The following SMAP1 variants were observed in gnomAD, a reference collection of about 807,000 sequenced individuals.
The protein encoded by SMAP1 is stromal membrane-associated protein 1.
A neutral mutation model predicts 58.5 loss-of-function variants in SMAP1; 24 were observed. That is an observed-to-expected ratio of 0.41 (90% CI 0.30 to 0.58). SMAP1 has a LOEUF of 0.58. Ranked by LOEUF, SMAP1 falls within the 20% of genes least tolerant of loss-of-function variation. The pLI is 0.29. For missense variants in SMAP1, 563 were observed against 566.3 expected (o/e 0.99, Z 0.06); for synonymous variants, 216 against 196.6 (o/e 1.10, Z -0.82).
intron 1 of SMAP1, among the ~76,000 whole-genome samples, chr6:70,677,773 G>C (rs1191374346): frequency 2.6e-5 from 4 of 152,050 alleles, no homozygotes; most frequent in African/African-American, 9.7e-5. Flanking sequence ...AGGTCTTGCT[G>C]AGCAAATTTA....
At chr6:70,850,453 CCTTTT>C (rs1278962295) in intron 7 of SMAP1, among the ~76,000 whole-genome samples, 2 of 151,224 alleles carry the variant, frequency 1.3e-5, no homozygotes, top group Non-Finnish European at 3.0e-5. Flanking sequence ...CGTTTTTTTT[CCTTTT>C]ATTTTGGTTG....
intron 4 of SMAP1, among the ~76,000 whole-genome samples, chr6:70,788,003 A>T (rs892504755): frequency 1.3e-5 from 2 of 152,190 alleles, no homozygotes; most frequent in Admixed American, 6.5e-5. Context: ...GTGCCCACGT[A>T]TGTTTATTGT....
intron 7 of SMAP1, among the ~76,000 whole-genome samples, chr6:70,847,730 A>G (rs1394507511): frequency 1.3e-5 from 2 of 152,078 alleles, no homozygotes; most frequent in Non-Finnish European, 2.9e-5. Context: ...CTGTTTCTGC[A>G]TACTAATTAA....
chr6:70,676,657 A>G (rs1766493771), intron 1 of SMAP1, among the ~76,000 whole-genome samples: 2 of 152,348 alleles, frequency 1.3e-5, no homozygotes, highest in Admixed American at 1.3e-4. Flanking sequence ...AATGTGTTCA[A>G]ATGTGGACAA....
At chr6:70,668,771 A>G in intron 1 of SMAP1, 1 of 1,523,364 alleles carries the variant, frequency 6.6e-7, no homozygotes, top group South Asian at 1.2e-5. Context: ...TATTAGTAGT[A>G]GTATTGTTTT....
chr6:70,753,357 C>CT (rs961025271), intron 2 of SMAP1, among the ~76,000 whole-genome samples: 1 of 152,106 alleles, frequency 6.6e-6, no homozygotes, highest in African/African-American at 2.4e-5. Context: ...TACTTTTGCA[C>CT]TTTCAGTGAA....
Position 70,860,472 on chromosome 6 carries a change from T to C in SMAP1, c.*138T>C. On this transcript the variant is annotated 3_prime_UTR_variant, in exon 11 of 11. Coordinates refer to ENST00000370455, the MANE Select transcript of SMAP1 (RefSeq NM_001044305.3). ...ATATTAAGAATGATCTGATTGACCG[T>C]GTTGGTCTGTACTGATTCAATTTGA... The C allele has an allele frequency of 9.5e-7, 1 of 1,052,738 alleles. No homozygotes were observed. The allele number at this position is 1,052,738 out of a possible 1,614,324, so 65.2% of individuals were successfully genotyped here. A position where few individuals can be genotyped will look rare whatever the true frequency, so the allele number is the denominator to read the frequency against.
At chr6:70,672,376 C>G (rs535885925) in intron 1 of SMAP1, among the ~76,000 whole-genome samples, 1 of 152,258 alleles carries the variant, frequency 6.6e-6, no homozygotes, top group African/African-American at 2.4e-5. Context: ...CAAGTTTTTG[C>G]CTGCTCAGCT....
intron 3 of SMAP1, among the ~76,000 whole-genome samples, chr6:70,764,002 T>C (rs992167028): frequency 6.6e-6 from 1 of 152,008 alleles, no homozygotes; most frequent in Non-Finnish European, 1.5e-5. Context: ...AGCCTCTGTG[T>C]CCTGGGCTCA....
intron 3 of SMAP1, among the ~76,000 whole-genome samples, chr6:70,759,184 G>T (rs1388449644): frequency 6.6e-6 from 1 of 152,036 alleles, no homozygotes; most frequent in East Asian, 1.9e-4. Flanking sequence ...ATAAAGCATG[G>T]TAGAAGGAAA....
chr6:70,756,473 G>T (rs1207061676), intron 3 of SMAP1, among the ~76,000 whole-genome samples: 2 of 152,080 alleles, frequency 1.3e-5, no homozygotes, highest in East Asian at 3.9e-4. Context: ...ATTTGTTATA[G>T]AAAGTTTGCA....
chr6:70,859,984 G>T (rs1399964952), intron 10 of SMAP1: 3 of 434,394 alleles, frequency 6.9e-6, no homozygotes, highest in Non-Finnish European at 1.2e-5. Flanking sequence ...TAAGTAAGTT[G>T]TGGTTAATCT....
intron 6 of SMAP1, among the ~76,000 whole-genome samples, chr6:70,807,489 TA>T (rs570798745): frequency 7.0e-4 from 107 of 152,252 alleles, no homozygotes; most frequent in Non-Finnish European, 1.4e-3. Flanking sequence ...TTAATTCACT[TA>T]GTTTAGATTT....
At chr6:70,770,969 A>T (rs767251208) in intron 3 of SMAP1, among the ~76,000 whole-genome samples, 133 of 152,172 alleles carry the variant, frequency 8.7e-4, no homozygotes, top group Non-Finnish European at 1.5e-3. Context: ...CTTCTAACAG[A>T]CAGGACCCTC....
chr6:70,811,913 A>G (rs558326831), intron 6 of SMAP1, among the ~76,000 whole-genome samples: 136 of 152,296 alleles, frequency 8.9e-4, no homozygotes, highest in Non-Finnish European at 1.6e-3. Context: ...TGTATATACT[A>G]TGATTTTGAT....
chr6:70,774,566 A>G (rs1015717225), intron 4 of SMAP1, among the ~76,000 whole-genome samples: 2 of 152,186 alleles, frequency 1.3e-5, no homozygotes, highest in Admixed American at 1.3e-4. Context: ...TTGGCCATAA[A>G]AAAATCTTGT....
chr6:70,732,282 A>G, intron 1 of SMAP1, 96 bp from the exon 2 acceptor site: 3 of 1,317,004 alleles, frequency 2.3e-6, no homozygotes, highest in Non-Finnish European at 3.1e-6. Flanking sequence ...AGCTTCCATT[A>G]TAATTATATA....
chr6:70,796,681 A>G (rs1403619157), intron 5 of SMAP1, among the ~76,000 whole-genome samples: 1 of 152,200 alleles, frequency 6.6e-6, no homozygotes, highest in Non-Finnish European at 1.5e-5. Flanking sequence ...TTTGAGAACT[A>G]TCCCAACTTT....
Position 70,711,423 on chromosome 6 carries a change from G to A in SMAP1, c.119-20955G>A, listed in dbSNP as rs371450994. 5.3e-5 allele frequency among the ~76,000 whole-genome samples: 8 copies of A among 152,004 alleles called. No homozygotes were observed. In the East Asian group the frequency reaches 1.4e-3, roughly 26 times the overall value. On this transcript the variant is annotated intron_variant, in intron 1 of 10. Coordinates refer to ENST00000370455, the MANE Select transcript of SMAP1 (RefSeq NM_001044305.3). ...CTGACTGTATTTTATTCCTTTTGTT[G>A]TGTTTTCTCTTTCAGATCGATCACT...
Sources: gnomAD v4.1 joint callset for allele counts (sites outside exome capture counted in the v4.1 genomes callset) on GRCh38, gnomAD v4.1.1 for gene constraint, MANE v1.5 for transcripts, NCBI Gene and HGNC (gene_info 2026-07-23, HGNC 2026-07-21) for gene names.